Variants in KIAA0319L observed in about 807,000 individuals in gnomAD.
The protein encoded by KIAA0319L is dyslexia-associated protein KIAA0319-like protein.
In KIAA0319L, 55 loss-of-function variants were observed where a neutral mutation model predicts 120.1. That is an observed-to-expected ratio of 0.46 (90% confidence interval 0.37 to 0.57). KIAA0319L has a LOEUF of 0.57. Among genes scored for constraint, KIAA0319L ranks in the 20% least tolerant of loss-of-function variants. The pLI is 0.00. For synonymous variants in KIAA0319L, 398 were observed against 471.9 expected (o/e 0.84, Z 2.03); for missense variants, 1,049 against 1,255.3 (o/e 0.84, Z 2.48).
At chr1:35,454,280 A>T in intron 11 of KIAA0319L, 82 bp downstream of exon 11, 2 of 1,478,922 alleles carry the variant, frequency 1.4e-6, no homozygotes, top group Non-Finnish European at 1.9e-6. Context: ...ACCCTCATAC[A>T]GCTCAGAACC....
chr1:35,552,129 G>A (rs184566705), intron 2 of KIAA0319L, among the ~76,000 whole-genome samples: 43 of 152,230 alleles, frequency 2.8e-4, no homozygotes, highest in African/African-American at 1.0e-3. Context: ...CAGATAACGA[G>A]GTCAAGAGAT....
intron 2 of KIAA0319L, among the ~76,000 whole-genome samples, chr1:35,516,906 C>A (rs1246224729): frequency 6.6e-6 from 1 of 152,128 alleles, no homozygotes; most frequent in East Asian, 1.9e-4. Context: ...TTCCTACACA[C>A]CAACACCACC....
At chr1:35,524,421 T>C (rs1249791737) in intron 2 of KIAA0319L, among the ~76,000 whole-genome samples, 1 of 152,196 alleles carries the variant, frequency 6.6e-6, no homozygotes, top group Non-Finnish European at 1.5e-5. Flanking sequence ...CCAAGCTTTG[T>C]CAGGTGACCC....
chr1:35,493,941 T>G (rs1291870421), intron 3 of KIAA0319L, among the ~76,000 whole-genome samples: 1 of 152,092 alleles, frequency 6.6e-6, no homozygotes, highest in African/African-American at 2.4e-5. Flanking sequence ...AATGGAGAGA[T>G]ACACTGTGCT....
At chr1:35,500,983 G>C (rs2148384085) in intron 3 of KIAA0319L, among the ~76,000 whole-genome samples, 1 of 151,040 alleles carries the variant, frequency 6.6e-6, no homozygotes, top group South Asian at 2.1e-4. Context: ...AATATGTAAT[G>C]CCAAGCTTTG....
intron 9 of KIAA0319L, among the ~76,000 whole-genome samples, chr1:35,457,964 C>T (rs565806509): frequency 6.6e-6 from 1 of 152,238 alleles, no homozygotes; most frequent in African/African-American, 2.4e-5. Context: ...GAGACGGAGT[C>T]TCGCTCTGTC....
chr1:35,534,588 A>G (rs6425946), intron 2 of KIAA0319L, among the ~76,000 whole-genome samples: 39,105 of 152,068 alleles, frequency 0.26, 10,565 homozygotes, highest in East Asian at 0.78. Flanking sequence ...GGCCGGGCGC[A>G]GTGGCTCATG....
At chr1:35,486,018 G>A (rs2148338425) in intron 3 of KIAA0319L, among the ~76,000 whole-genome samples, 1 of 152,242 alleles carries the variant, frequency 6.6e-6, no homozygotes, top group South Asian at 2.1e-4. Context: ...GAGTAATGGA[G>A]GTAAGGACAG....
rs1640602502 is a variant in KIAA0319L, at chr1:35,434,079, AT to A, written c.*814del. On this transcript the variant is annotated 3_prime_UTR_variant, in exon 21 of 21. Coordinates refer to ENST00000325722, the MANE Select transcript of KIAA0319L (RefSeq NM_024874.5). Reference sequence around the variant, plus strand: ...CAGTGTTAAGGGGGGGCCAGATATCATTTCTTTTTTTTTTTTTTTTTTTTTG... The same window carrying A: ...CAGTGTTAAGGGGGGGCCAGATATCATTCTTTTTTTTTTTTTTTTTTTTTG... 2 of 133,320 alleles carry A rather than the reference AT, an allele frequency of 1.5e-5. No homozygotes were observed. The highest frequency in any genetic ancestry group is 4.7e-4 in the East Asian group (2 of 4,258). The allele number at this position is 133,320 out of a possible 1,614,324, so 8.3% of individuals were successfully genotyped here. A position where few individuals can be genotyped will look rare whatever the true frequency, so the allele number is the denominator to read the frequency against.
chr1:35,446,401 T>C (rs894838788), intron 16 of KIAA0319L, among the ~76,000 whole-genome samples: 60 of 152,248 alleles, frequency 3.9e-4, no homozygotes, highest in Admixed American at 1.4e-3. Context: ...TTTAAAGATA[T>C]TCTTTCAATC....
intron 3 of KIAA0319L, among the ~76,000 whole-genome samples, chr1:35,505,649 G>A (rs1221384644): frequency 6.6e-6 from 1 of 152,144 alleles, no homozygotes; most frequent in African/African-American, 2.4e-5. Flanking sequence ...AGCCATAAAT[G>A]TTTATGGGCA....
chr1:35,513,288 ATTT>A (rs67198806), intron 2 of KIAA0319L, among the ~76,000 whole-genome samples: 4,674 of 84,764 alleles, frequency 0.055, 48 homozygotes, highest in Non-Finnish European at 0.078. Context: ...ATATATATAT[ATTT>A]TTTTTTTTTT....
At chr1:35,474,996 T>G in intron 4 of KIAA0319L, 90 bp from the exon 5 acceptor site, 1 of 757,476 alleles carries the variant, frequency 1.3e-6, no homozygotes, top group South Asian at 1.6e-5. Flanking sequence ...CCTTTCATGA[T>G]CAATATTCAG....
At chr1:35,485,980 T>C (rs1644370493) in intron 3 of KIAA0319L, among the ~76,000 whole-genome samples, 1 of 152,098 alleles carries the variant, frequency 6.6e-6, no homozygotes, top group South Asian at 2.1e-4. Context: ...CACACACTGG[T>C]AAAACTACAA....
intron 3 of KIAA0319L, among the ~76,000 whole-genome samples, chr1:35,495,877 A>AAAAAAC: frequency 6.6e-6 from 1 of 152,000 alleles, no homozygotes; most frequent in African/African-American, 2.4e-5. Flanking sequence ...AAAAAAAAAA[A>AAAAAAC]AAACATGAAT....
chr1:35,457,507 A>G lies in KIAA0319L; in HGVS notation c.1428-1266T>C, dbSNP rs536971362. On this transcript the variant is annotated intron_variant, in intron 9 of 20. Coordinates refer to ENST00000325722, the MANE Select transcript of KIAA0319L (RefSeq NM_024874.5). ...GACACAGGATTTGCAAAAAAAAAAA[A>G]AAAGAAAGAAAGAAAATAAAAAAAA... Among the ~76,000 whole-genome samples, 11 of 152,140 alleles carry G rather than the reference A, an allele frequency of 7.2e-5. No homozygotes were observed. In the East Asian group the frequency reaches 7.7e-4, roughly 11 times the overall value.
At chr1:35,461,774 C>CT (rs1283195361) in intron 8 of KIAA0319L, among the ~76,000 whole-genome samples, 1 of 152,130 alleles carries the variant, frequency 6.6e-6, no homozygotes, top group Non-Finnish European at 1.5e-5. Flanking sequence ...CTACCACTCT[C>CT]TATCACAAGG....
chr1:35,497,620 TTATACTTCA>T (rs1393733257), intron 3 of KIAA0319L, among the ~76,000 whole-genome samples: 2 of 152,128 alleles, frequency 1.3e-5, no homozygotes, highest in Non-Finnish European at 2.9e-5. Flanking sequence ...GATATGACAA[TTATACTTCA>T]AAAAAGCTGC....
Position 35,462,620 on chromosome 1 carries a change from C to T in KIAA0319L, c.1294+1G>A. ...AACATCATACTTAGACAAGTACTCA[C>T]GACTGCCATCAATGACTGTAGAAGT... On this transcript the variant is annotated splice_donor_variant, in intron 8 of 20. Transcript: ENST00000325722. LOFTEE classifies it high-confidence loss of function. The T allele has an allele frequency of 3.1e-6, 5 of 1,603,542 alleles. No individual in the cohort carries two copies. Among genetic ancestry groups the T allele is most frequent in the Non-Finnish European group, 4.3e-6 (5 of 1,170,458 alleles).
Sources: gnomAD v4.1 joint callset for allele counts (sites outside exome capture counted in the v4.1 genomes callset) on GRCh38, gnomAD v4.1.1 for gene constraint, MANE v1.5 for transcripts, NCBI Gene and HGNC (gene_info 2026-07-23, HGNC 2026-07-21) for gene names.